The following MUC17 variants were observed in gnomAD, a reference collection of about 807,000 sequenced individuals.
The protein encoded by MUC17 is mucin 17, cell surface associated.
In MUC17, 190 loss-of-function variants were observed where a neutral mutation model predicts 170.3. The observed-to-expected ratio is 1.12, with a 90% CI of 0.99 to 1.26. The LOEUF is 1.26. Among genes scored for constraint, MUC17 ranks in the 50% most tolerant of loss-of-function variants. MUC17 has a pLI of 0.00. For missense variants in MUC17, 6,415 were observed against 5,530.0 expected (o/e 1.16, Z -5.08); for synonymous variants, 2,325 against 2,002.5 (o/e 1.16, Z -4.30).
At chr7:101,055,784 A>C (rs1189468418) in intron 11 of MUC17, among the ~76,000 whole-genome samples, 1 of 152,248 alleles carries the variant, frequency 6.6e-6, no homozygotes, top group Non-Finnish European at 1.5e-5. Context: ...ACTTACAAAA[A>C]TTATTTAAAT....
rs878925853 is a variant in MUC17 at position 101,034,837 on chromosome 7, T to A, written c.3421T>A (p.Ser1141Thr). 6.2e-7 allele frequency: 1 copy of A among 1,605,772 alleles called. No individual in the cohort carries two copies. Among genetic ancestry groups the A allele is most frequent in the Non-Finnish European group, 8.5e-7 (1 of 1,176,344 alleles). ...PVTTSTEASSSPTTAEGTSIP... is the reference protein window; with the variant it reads ...PVTTSTEASSTPTTAEGTSIP... ...CACCACTTCTACTGAAGCCAGTTCA[T>A]CTCCTACAACTGCTGAAGGTACCAG... is the stretch of plus-strand genomic sequence containing the variant. Residue 1141 changes from serine (S) to threonine (T), a missense_variant, in exon 3 of 13, where the codon TCT becomes ACT. Transcript: ENST00000306151.
Position 101,043,130 on chromosome 7 carries a change from C to T in MUC17, c.11714C>T (p.Thr3905Ile). The part of the protein sequence containing the change: ...ASTPPLDTST[T>I]FTPSTDTAST... Reference sequence around the variant, plus strand: ...ACACCTCCTCTTGACACAAGCACAACTTTTACCCCTTCTACTGACACTGCC... The same window carrying T: ...ACACCTCCTCTTGACACAAGCACAATTTTTACCCCTTCTACTGACACTGCC... The change falls in exon 3 of 13, where the codon ACT (threonine) becomes ATT (isoleucine). Residue 3905 changes from threonine to isoleucine, a missense_variant. Coordinates refer to ENST00000306151, the MANE Select transcript of MUC17 (RefSeq NM_001040105.2). The T allele has an allele frequency of 6.2e-7, 1 of 1,614,176 alleles. No homozygotes were observed. The highest frequency in any genetic ancestry group is 2.2e-5 in the East Asian group (1 of 44,890).
At chr7:101,049,281 C>T (rs1366601016) in intron 5 of MUC17, 43 bp from the exon 6 acceptor site, 1 of 1,613,724 alleles carries the variant, frequency 6.2e-7, no homozygotes, top group South Asian at 1.1e-5. Context: ...CAGAACGGCC[C>T]CGTGGTCCCT....
chr7:101,046,612 C>T (rs959447250), intron 3 of MUC17, among the ~76,000 whole-genome samples: 9 of 152,018 alleles, frequency 5.9e-5, no homozygotes, highest in African/African-American at 1.9e-4. Context: ...CCCATCTCTA[C>T]AGAAAAATTT....
intron 11 of MUC17, among the ~76,000 whole-genome samples, chr7:101,054,023 G>T (rs993403366): frequency 4.2e-5 from 5 of 117,668 alleles, no homozygotes; most frequent in Non-Finnish European, 6.4e-5. Flanking sequence ...TTGTACCACT[G>T]CACTCCAGCC....
intron 3 of MUC17, 136 bp from the exon 4 acceptor site, chr7:101,047,848 A>G: frequency 9.1e-7 from 1 of 1,097,962 alleles, no homozygotes; most frequent in African/African-American, 1.6e-5. Flanking sequence ...CAAACAAATT[A>G]GACAGTGTCC....
chr7:101,056,430 T>C (rs1232779139), intron 12 of MUC17, among the ~76,000 whole-genome samples, 160 bp downstream of exon 12: 1 of 152,158 alleles, frequency 6.6e-6, no homozygotes, highest in Non-Finnish European at 1.5e-5. Flanking sequence ...CAAGCCTAAC[T>C]CAGGGGAAGA....
rs754444024 is a variant in MUC17, at chr7:101,035,454, C to T, written c.4038C>T (p.Thr1346=). Reference sequence around the variant, plus strand: ...CTTTAACAAGTATACCTGTCAACACCACACTGGTGGCCAGTTCTGCAATCA... The same window carrying T: ...CTTTAACAAGTATACCTGTCAACACTACACTGGTGGCCAGTTCTGCAATCA... ...RTPLTSIPVN[T]TLVASSAISI... Residue 1346 remains threonine (T), a synonymous_variant, in exon 3 of 13, where the codon ACC becomes ACT. Coordinates refer to ENST00000306151, the MANE Select transcript of MUC17 (RefSeq NM_001040105.2). 1.9e-5 allele frequency: 30 copies of T among 1,564,354 alleles called. No homozygotes were observed. Among genetic ancestry groups the T allele is most frequent in the Non-Finnish European group, 2.5e-5 (29 of 1,159,470 alleles).
In MUC17 at chr7:101,038,314, T is replaced by G; in HGVS notation, c.6898T>G (p.Ser2300Ala). 6.2e-7 allele frequency: 1 copy of G among 1,613,544 alleles called. No individual in the cohort carries two copies. Among genetic ancestry groups the G allele is most frequent in the Non-Finnish European group, 8.5e-7 (1 of 1,179,698 alleles). The change falls in exon 3 of 13, where the codon TCA becomes GCA. Residue 2300 changes from serine to alanine, a missense_variant. Transcript: ENST00000306151. Reference protein sequence around the residue: ...LVANSEVSTLSTTPVDSNTPF... With the variant: ...LVANSEVSTLATTPVDSNTPF... ...GGCCAATTCTGAGGTTAGCACCCTT[T>G]CAACAACTCCTGTTGACTCCAACAC...
Position 101,042,361 on chromosome 7 carries a change from A to T in MUC17, c.10945A>T (p.Ile3649Phe). The change falls in exon 3 of 13, where the codon ATT becomes TTT. Residue 3649 changes from isoleucine (I) to phenylalanine (F), a missense_variant. By Grantham distance (21) the Ile-to-Phe change is conservative. Coordinates refer to ENST00000306151, the MANE Select transcript of MUC17 (RefSeq NM_001040105.2). The part of the protein sequence containing the change: ...IMPVSTTSVT[I>F]SEAGTASTLP... Reference sequence around the variant, plus strand: ...GCCTGTCAGCACCACATCGGTGACCATTTCTGAGGCTGGCACAGCTTCAAC... The same window carrying T: ...GCCTGTCAGCACCACATCGGTGACCTTTTCTGAGGCTGGCACAGCTTCAAC... The T allele has an allele frequency of 6.2e-7, 1 of 1,614,124 alleles. No homozygotes were observed. The highest frequency in any genetic ancestry group is 8.5e-7 in the Non-Finnish European group (1 of 1,179,976).
In MUC17 at chr7:101,043,337, C is replaced by A; in HGVS notation, c.11921C>A (p.Pro3974Gln). 1.2e-6 allele frequency: 2 copies of A among 1,614,160 alleles called. No homozygotes were observed. The highest frequency in any genetic ancestry group is 1.7e-6 in the Non-Finnish European group (2 of 1,180,032). ...PVITSTELNT[P>Q]STSSSSTTTS... is the part of the protein sequence containing the mutation. ...ATAACTTCCACTGAACTAAACACAC[C>A]ATCAACCTCCAGTAGTAGTACCACC... The change falls in exon 3 of 13, where the codon CCA becomes CAA. Residue 3974 changes from proline to glutamine, a missense_variant. Pro to Gln is a moderately conservative substitution (Grantham distance 76). Coordinates refer to ENST00000306151, the MANE Select transcript of MUC17 (RefSeq NM_001040105.2).
chr7:101,031,817 A>G lies in MUC17; in HGVS notation c.401A>G (p.Glu134Gly). The change falls in exon 3 of 13, where the codon GAA (glutamate) becomes GGA (glycine). Residue 134 changes from glutamate to glycine, a missense_variant. Physicochemically the swap from Glu to Gly is moderately conservative, Grantham distance 98. Coordinates refer to ENST00000306151, the MANE Select transcript of MUC17 (RefSeq NM_001040105.2). ...ACCACACTTTTCCCCAGTTCTACTG[A>G]AGACACTTCATCTCCTACAACTCCT... is the stretch of plus-strand genomic sequence containing the variant. The part of the protein sequence containing the change: ...DSTTLFPSST[E>G]DTSSPTTPEG... 3 of 1,613,086 alleles carry G rather than the reference A, an allele frequency of 1.9e-6. No individual in the cohort carries two copies. The South Asian group carries it at 3.3e-5, about 18-fold the overall frequency.
At chr7:101,049,781 C>T (rs773545139) in intron 6 of MUC17, among the ~76,000 whole-genome samples, 1 of 152,074 alleles carries the variant, frequency 6.6e-6, no homozygotes, top group Non-Finnish European at 1.5e-5. Context: ...CTTTAAAGAC[C>T]CTATCTCCAA....
chr7:101,036,232 G>C lies in MUC17; in HGVS notation c.4816G>C (p.Ala1606Pro), dbSNP rs148344968. 1 of 1,613,182 alleles carries C rather than the reference G, an allele frequency of 6.2e-7. No homozygotes were observed. Among genetic ancestry groups the C allele is most frequent in the South Asian group, 1.1e-5 (1 of 91,034 alleles). ...TATTGACTCCAAAACTCAGGTGACCGCTTCTACTGAAGCCAGTTCATCTAC... is the reference window on the plus strand; with the variant it reads ...TATTGACTCCAAAACTCAGGTGACCCCTTCTACTGAAGCCAGTTCATCTAC... ...TPIDSKTQVT[A>P]STEASSSTTA... Residue 1606 changes from alanine (A) to proline (P), a missense_variant, in exon 3 of 13, where the codon GCT (alanine) becomes CCT (proline). Ala to Pro is a conservative substitution (Grantham distance 27). Coordinates refer to ENST00000306151, the MANE Select transcript of MUC17 (RefSeq NM_001040105.2).
Position 101,043,788 on chromosome 7 carries a change from C to T in MUC17, c.12372C>T (p.Thr4124=), listed in dbSNP as rs1334611532. The change falls in exon 3 of 13, where the codon ACC becomes ACT. Residue 4124 remains threonine, a synonymous_variant. Transcript: ENST00000306151. ...ATACTACAATTAAGAGCAACCCCAC[C>T]TCAACTCCTACTGTGCCAAGAACCA... The part of the protein sequence containing the change: ...PTNTTIKSNP[T]STPTVPRTTT... 1.2e-6 allele frequency: 2 copies of T among 1,610,726 alleles called. No individual in the cohort carries two copies. Among genetic ancestry groups the T allele is most frequent in the Non-Finnish European group, 1.7e-6 (2 of 1,177,660 alleles).
intron 5 of MUC17, 75 bp downstream of exon 5, chr7:101,049,047 TG>T: frequency 6.2e-7 from 1 of 1,601,994 alleles, no homozygotes; most frequent in Non-Finnish European, 8.5e-7. Flanking sequence ...AGAAGGTAGC[TG>T]GGGGCTGTTC....
intron 11 of MUC17, 113 bp downstream of exon 11, chr7:101,053,549 C>A (rs1338499579): frequency 9.4e-6 from 7 of 745,262 alleles, no homozygotes; most frequent in African/African-American, 1.7e-5. Flanking sequence ...AGGAGTATTA[C>A]TTGAGGCCAG....
At chr7:101,030,253 T>C (rs146366934) in intron 1 of MUC17, among the ~76,000 whole-genome samples, 2,886 of 151,496 alleles carry the variant, frequency 0.019, 96 homozygotes, top group African/African-American at 0.067. Flanking sequence ...TTTTGAGTCT[T>C]GCCCTGTCAC....
chr7:101,039,427 A>G lies in MUC17; in HGVS notation c.8011A>G (p.Ser2671Gly). The G allele has an allele frequency of 6.2e-7, 1 of 1,612,386 alleles. No individual in the cohort carries two copies. The highest frequency in any genetic ancestry group is 8.5e-7 in the Non-Finnish European group (1 of 1,179,490). ...ACTTGTGACCACTTCCACTGGAACC[A>G]GTTCATCTCCTACAACTGCTGAAGG... The part of the protein sequence containing the change: ...RTLVTTSTGT[S>G]SSPTTAEGSS... Residue 2671 changes from serine to glycine, a missense_variant, in exon 3 of 13, where the codon AGT (serine) becomes GGT (glycine). Coordinates refer to ENST00000306151, the MANE Select transcript of MUC17 (RefSeq NM_001040105.2).
Sources: gnomAD v4.1 joint callset for allele counts (sites outside exome capture counted in the v4.1 genomes callset) on GRCh38, gnomAD v4.1.1 for gene constraint, MANE v1.5 for transcripts, NCBI Gene and HGNC (gene_info 2026-07-23, HGNC 2026-07-21) for gene names.